ATP8A1: variants seen among roughly 807,000 people sequenced by gnomAD.
The protein encoded by ATP8A1 is phospholipid-transporting ATPase IA.
In ATP8A1, 90 loss-of-function variants were observed where a neutral mutation model predicts 177.7. The observed-to-expected ratio is 0.51, with a 90% CI of 0.43 to 0.60. The LOEUF (loss-of-function observed/expected upper bound fraction) is 0.60, where lower values mean the gene tolerates loss of function less well. Ranked by LOEUF, ATP8A1 falls within the 20% of genes least tolerant of loss-of-function variation. The pLI, the probability that ATP8A1 is intolerant of heterozygous loss-of-function variation, is 0.00. For synonymous variants in ATP8A1, 493 were observed against 485.9 expected, an observed-to-expected ratio of 1.01 and a Z score of -0.19; for missense variants, 1,072 against 1,392.8, an observed-to-expected ratio of 0.77 and a Z score of 3.67.
At chr4:42,563,367 T>C (rs1312910287) in intron 15 of ATP8A1, among the ~76,000 whole-genome samples, 1 of 152,162 alleles carries the variant, frequency 6.6e-6, no homozygotes, top group Non-Finnish European at 1.5e-5. Context: ...AAGCATTCAA[T>C]AGGTGACTTG....
intron 20 of ATP8A1, among the ~76,000 whole-genome samples, chr4:42,536,608 C>T (rs945696333): frequency 1.3e-5 from 2 of 152,186 alleles, no homozygotes; most frequent in African/African-American, 4.8e-5. Flanking sequence ...TATGAAGCCA[C>T]TATCCCCCAA....
chr4:42,511,301 G>A (rs998177693), intron 22 of ATP8A1, among the ~76,000 whole-genome samples: 9 of 152,182 alleles, frequency 5.9e-5, no homozygotes, highest in African/African-American at 2.2e-4. Flanking sequence ...ACACAAGAGT[G>A]TTTAGGCTAT....
chr4:42,644,058 GATTT>G (rs1392798628), intron 1 of ATP8A1, among the ~76,000 whole-genome samples: 1 of 152,182 alleles, frequency 6.6e-6, no homozygotes, highest in African/African-American at 2.4e-5. Context: ...TAACAATGGT[GATTT>G]ATTTGCTTCA....
At chr4:42,636,156 A>ACGCG (rs1553920759) in intron 1 of ATP8A1, among the ~76,000 whole-genome samples, 1 of 90,898 alleles carries the variant, frequency 1.1e-5, no homozygotes, top group African/African-American at 3.3e-5. Flanking sequence ...ACACACACAC[A>ACGCG]CGCACACACA....
intron 5 of ATP8A1, among the ~76,000 whole-genome samples, chr4:42,603,855 T>G (rs761484059): frequency 2.8e-4 from 42 of 152,246 alleles, no homozygotes; most frequent in Non-Finnish European, 5.4e-4. Flanking sequence ...TTATCTATGA[T>G]GATTTTACAT....
At chr4:42,516,613 T>A (rs768589779) in intron 22 of ATP8A1, among the ~76,000 whole-genome samples, 1 of 152,230 alleles carries the variant, frequency 6.6e-6, no homozygotes, top group Non-Finnish European at 1.5e-5. Flanking sequence ...TATTTTTCTA[T>A]TGAAGCAAAT....
At chr4:42,604,125 TTC>T (rs1560509226) in intron 5 of ATP8A1, among the ~76,000 whole-genome samples, 1 of 151,734 alleles carries the variant, frequency 6.6e-6, no homozygotes, top group African/African-American at 2.4e-5. Context: ...ATGCCTAGAA[TTC>T]TCTTTCCCTC....
At chr4:42,536,450 T>C (rs1411027407) in intron 20 of ATP8A1, among the ~76,000 whole-genome samples, 1 of 152,098 alleles carries the variant, frequency 6.6e-6, no homozygotes, top group East Asian at 1.9e-4. Flanking sequence ...AAGACTGAAA[T>C]GGTAATTAAA....
At chr4:42,452,688 T>C (rs1359891154) in intron 29 of ATP8A1, among the ~76,000 whole-genome samples, 5 of 152,224 alleles carry the variant, frequency 3.3e-5, no homozygotes, top group Non-Finnish European at 7.3e-5. Flanking sequence ...TACTACTTTT[T>C]ATATCTATTG....
intron 12 of ATP8A1, among the ~76,000 whole-genome samples, chr4:42,576,495 A>AAAG (rs1239783079): frequency 6.7e-6 from 1 of 150,112 alleles, no homozygotes; most frequent in Non-Finnish European, 1.5e-5. Flanking sequence ...AAAAAAAAAA[A>AAAG]AAAAAAAAAA....
At chr4:42,534,832 T>G (rs1727615533) in intron 20 of ATP8A1, among the ~76,000 whole-genome samples, 1 of 152,102 alleles carries the variant, frequency 6.6e-6, no homozygotes, top group African/African-American at 2.4e-5. Context: ...ACCCTGCAAG[T>G]TAGAAGGAAT....
At chr4:42,596,902 G>A (rs1734775275) in intron 6 of ATP8A1, among the ~76,000 whole-genome samples, 1 of 152,112 alleles carries the variant, frequency 6.6e-6, no homozygotes, top group African/African-American at 2.4e-5. Context: ...ATAATCTGTG[G>A]CAAGAGCAAT....
At chr4:42,594,587 AAATC>A (rs2109380261) in intron 6 of ATP8A1, among the ~76,000 whole-genome samples, 1 of 152,220 alleles carries the variant, frequency 6.6e-6, no homozygotes, top group East Asian at 1.9e-4. Context: ...TATCTTGATA[AAATC>A]AATCTATTCT....
intron 22 of ATP8A1, among the ~76,000 whole-genome samples, chr4:42,517,306 A>C (rs1007209299): frequency 7.2e-4 from 110 of 152,218 alleles, no homozygotes; most frequent in Non-Finnish European, 1.3e-3. Context: ...AAAAAAAAAA[A>C]AAACAAATTC....
chr4:42,602,229 G>A (rs1017186154), intron 5 of ATP8A1, among the ~76,000 whole-genome samples: 12 of 152,120 alleles, frequency 7.9e-5, no homozygotes, highest in African/African-American at 2.9e-4. Context: ...ACGGACCAAG[G>A]ATCTAAAGCA....
intron 22 of ATP8A1, among the ~76,000 whole-genome samples, chr4:42,511,470 T>A (rs919558239): frequency 4.6e-5 from 7 of 152,324 alleles, no homozygotes; most frequent in African/African-American, 1.4e-4. Context: ...TTTCTAAATG[T>A]CACCAAGCTA....
chr4:42,562,613 C>A (rs1730950450), intron 15 of ATP8A1, among the ~76,000 whole-genome samples: 1 of 152,148 alleles, frequency 6.6e-6, no homozygotes, highest in African/African-American at 2.4e-5. Context: ...AGTAATGAGG[C>A]CTGGTTTTCT....
intron 15 of ATP8A1, among the ~76,000 whole-genome samples, chr4:42,568,790 A>C (rs956975051): frequency 5.3e-5 from 8 of 152,138 alleles, no homozygotes; most frequent in Admixed American, 1.3e-4. Flanking sequence ...GTAGCTCTGT[A>C]AAGTACATAA....
At chr4:42,428,673 GCTTCAGAATGT>G (rs991143283) in intron 33 of ATP8A1, among the ~76,000 whole-genome samples, 7 of 152,150 alleles carry the variant, frequency 4.6e-5, no homozygotes, top group Admixed American at 4.6e-4. Flanking sequence ...CCTTTCTGTG[GCTTCAGAATGT>G]CCTCAGAATA....
Sources: gnomAD v4.1 joint callset for allele counts (sites outside exome capture counted in the v4.1 genomes callset) on GRCh38, gnomAD v4.1.1 for gene constraint, MANE v1.5 for transcripts, NCBI Gene and HGNC (gene_info 2026-07-23, HGNC 2026-07-21) for gene names.